Variants in POU6F2 observed in about 807,000 individuals in gnomAD.
The protein encoded by POU6F2 is POU class 6 homeobox 2.
In POU6F2, 31 loss-of-function variants were observed where a neutral mutation model predicts 71.3. The ratio of observed to expected loss-of-function variants is 0.43; its 90% CI spans 0.33 to 0.59. POU6F2 has a LOEUF of 0.59. Ranked by LOEUF, POU6F2 falls within the 20% of genes least tolerant of loss-of-function variation. The probability of loss-of-function intolerance (pLI) is 0.04; values close to 1 mark genes in which losing one functional copy is unlikely to be tolerated. For synonymous variants in POU6F2, 347 were observed against 355.7 expected (o/e 0.98, Z 0.27); for missense variants, 783 against 856.8 (o/e 0.91, Z 1.07).
chr7:39,093,817 A>G (rs1171526398), intron 2 of POU6F2, among the ~76,000 whole-genome samples: 2 of 152,076 alleles, frequency 1.3e-5, no homozygotes, highest in Non-Finnish European at 2.9e-5. Flanking sequence ...TTTCTTAGGC[A>G]CTGTGAGTGC....
intron 1 of POU6F2, among the ~76,000 whole-genome samples, chr7:38,997,272 C>T (rs780112928): frequency 1.3e-5 from 2 of 152,130 alleles, no homozygotes; most frequent in African/African-American, 4.8e-5. Context: ...CTGTCTTTTC[C>T]TGGTTTGTTT....
chr7:39,012,422 C>A (rs1157026482), intron 1 of POU6F2, among the ~76,000 whole-genome samples: 24 of 149,258 alleles, frequency 1.6e-4, no homozygotes, highest in African/African-American at 4.6e-4. Flanking sequence ...GTTATACATT[C>A]TTCTAAATTT....
chr7:39,045,558 A>G (rs1243055646), intron 1 of POU6F2, among the ~76,000 whole-genome samples: 3 of 150,522 alleles, frequency 2.0e-5, no homozygotes, highest in Non-Finnish European at 3.0e-5. Flanking sequence ...TTTTTTTTTA[A>G]TCTTTATTGA....
At chr7:39,069,049 G>A (rs1402306450) in intron 1 of POU6F2, among the ~76,000 whole-genome samples, 1 of 152,128 alleles carries the variant, frequency 6.6e-6, no homozygotes, top group Non-Finnish European at 1.5e-5. Context: ...TCTGCCTTCT[G>A]TACAGAATAT....
At chr7:39,131,257 C>T (rs1205629099) in intron 2 of POU6F2, among the ~76,000 whole-genome samples, 1 of 152,168 alleles carries the variant, frequency 6.6e-6, no homozygotes, top group Non-Finnish European at 1.5e-5. Context: ...ACTCCAGCTC[C>T]TCCACCAGCT....
chr7:39,449,049 T>A (rs557106012), intron 7 of POU6F2, among the ~76,000 whole-genome samples: 1 of 152,238 alleles, frequency 6.6e-6, no homozygotes, highest in African/African-American at 2.4e-5. Context: ...TGGGATCCCA[T>A]GTCAATTGTA....
intron 1 of POU6F2, among the ~76,000 whole-genome samples, chr7:39,080,377 G>T (rs1460428946): frequency 1.3e-5 from 2 of 151,910 alleles, no homozygotes; most frequent in African/African-American, 4.8e-5. Context: ...AATTCTTTTT[G>T]ATTTCAATTT....
intron 2 of POU6F2, among the ~76,000 whole-genome samples, chr7:39,094,460 A>AT (rs1242650713): frequency 6.6e-6 from 1 of 152,032 alleles, no homozygotes; most frequent in Non-Finnish European, 1.5e-5. Flanking sequence ...ATTAAGCACA[A>AT]TTTTTTGTTA....
At chr7:39,138,624 T>A (rs1297130379) in intron 2 of POU6F2, among the ~76,000 whole-genome samples, 1 of 152,198 alleles carries the variant, frequency 6.6e-6, no homozygotes, top group Non-Finnish European at 1.5e-5. Flanking sequence ...GACCATCTAG[T>A]TGAAAGAAAA....
chr7:39,278,383 G>T (rs570222670), intron 4 of POU6F2, among the ~76,000 whole-genome samples: 1 of 152,030 alleles, frequency 6.6e-6, no homozygotes, highest in African/African-American at 2.4e-5. Context: ...GGGAGTTGGC[G>T]CACCTGGTTT....
At chr7:39,183,864 C>G (rs1467557452) in intron 2 of POU6F2, among the ~76,000 whole-genome samples, 1 of 152,162 alleles carries the variant, frequency 6.6e-6, no homozygotes, top group East Asian at 1.9e-4. Flanking sequence ...AATTCCTCAT[C>G]ATTATAACAC....
At chr7:39,418,947 GTATATA>G (rs1787753445) in intron 6 of POU6F2, among the ~76,000 whole-genome samples, 1 of 78,446 alleles carries the variant, frequency 1.3e-5, no homozygotes, top group Admixed American at 1.3e-4. Flanking sequence ...GTGTATATAT[GTATATA>G]TGTATATATA....
At chr7:39,312,593 T>C (rs897282683) in intron 4 of POU6F2, among the ~76,000 whole-genome samples, 2 of 152,216 alleles carry the variant, frequency 1.3e-5, no homozygotes, top group Non-Finnish European at 2.9e-5. Flanking sequence ...CTATGTACTA[T>C]GTTTTCCCTT....
intron 8 of POU6F2, among the ~76,000 whole-genome samples, chr7:39,453,208 T>C (rs1788702659): frequency 1.3e-5 from 2 of 152,220 alleles, no homozygotes; most frequent in Admixed American, 1.3e-4. Context: ...AACTGTATTT[T>C]AGGTTGTTTA....
chr7:38,980,258 A>T (rs1446126695), intron 1 of POU6F2, among the ~76,000 whole-genome samples: 2 of 152,204 alleles, frequency 1.3e-5, no homozygotes, highest in Admixed American at 1.3e-4. Flanking sequence ...ATTGTGCTGA[A>T]GGTTGTAAAC....
chr7:39,107,769 G>A lies in POU6F2; in HGVS notation c.277+21738G>A, dbSNP rs572659677. Among the ~76,000 whole-genome samples the A allele has an allele frequency of 4.6e-5, 7 of 152,180 alleles. No individual in the cohort carries two copies. The South Asian group carries it at 6.2e-4, about 14-fold the overall frequency. ...TCTCTCTTTACCTGAAAGGGACCAG[G>A]GAGAAGCAGACACCCAAACCCAGAA... On this transcript the variant is annotated intron_variant, in intron 2 of 9. Transcript: ENST00000518318.
At chr7:39,323,036 C>T (rs2128769457) in intron 4 of POU6F2, among the ~76,000 whole-genome samples, 1 of 152,080 alleles carries the variant, frequency 6.6e-6, no homozygotes, top group African/African-American at 2.4e-5. Context: ...ATTACAGCTC[C>T]CTACAATTAT....
At chr7:38,997,728 C>T (rs1445024735) in intron 1 of POU6F2, among the ~76,000 whole-genome samples, 4 of 152,130 alleles carry the variant, frequency 2.6e-5, no homozygotes, top group Non-Finnish European at 4.4e-5. Flanking sequence ...AAGCAAATTT[C>T]TTAGCCCTCC....
Position 39,010,255 on chromosome 7 carries a change from G to C in POU6F2, c.105+32197G>C, listed in dbSNP as rs200810079. On this transcript the variant is annotated intron_variant, in intron 1 of 9. Coordinates refer to ENST00000518318, the MANE Select transcript of POU6F2 (RefSeq NM_001370959.1). ...CTTCTTCCTGGTTTAGTCTTGGGAG[G>C]GTGTATGTGTTGAGGAATTTATCCA... Among the ~76,000 whole-genome samples, 654 of 150,384 alleles carry C rather than the reference G, an allele frequency of 4.3e-3. 9 individuals carry two copies. The highest frequency in any genetic ancestry group is 0.036 in the South Asian group (162 of 4,550).
Sources: gnomAD v4.1 joint callset for allele counts (sites outside exome capture counted in the v4.1 genomes callset) on GRCh38, gnomAD v4.1.1 for gene constraint, MANE v1.5 for transcripts, NCBI Gene and HGNC (gene_info 2026-07-23, HGNC 2026-07-21) for gene names.